Variants in PCSK5 observed in about 807,000 individuals in gnomAD.
PCSK5 encodes proprotein convertase subtilisin/kexin type 5.
PCSK5 carries 129 observed loss-of-function variants against 233.2 expected under a neutral mutation model. That is an observed-to-expected ratio of 0.55 (90% CI 0.48 to 0.64). The LOEUF is 0.64. Ranked by LOEUF, PCSK5 falls within the 30% of genes least tolerant of loss-of-function variation. The probability of loss-of-function intolerance (pLI) is 0.00; values close to 1 mark genes in which losing one functional copy is unlikely to be tolerated. For missense variants in PCSK5, 2,076 were observed against 2,430.1 expected (o/e 0.85, Z 3.06); for synonymous variants, 825 against 879.2 (o/e 0.94, Z 1.09).
At chr9:75,920,549 A>C (rs1823210687) in intron 1 of PCSK5, among the ~76,000 whole-genome samples, 1 of 152,154 alleles carries the variant, frequency 6.6e-6, no homozygotes, top group Admixed American at 6.6e-5. Flanking sequence ...TCATGCTTGT[A>C]GTCCCAGCAC....
At chr9:76,193,427 A>C in intron 20 of PCSK5, 2 of 1,040,016 alleles carry the variant, frequency 1.9e-6, no homozygotes, top group Non-Finnish European at 2.6e-6. Flanking sequence ...AAAGCCAAAA[A>C]GAAAAAAAAA....
chr9:76,066,242 T>C (rs1168951091), intron 5 of PCSK5, among the ~76,000 whole-genome samples: 1 of 152,208 alleles, frequency 6.6e-6, no homozygotes, highest in African/African-American at 2.4e-5. Context: ...ATTTTAGCAA[T>C]ACTAATTCTT....
In PCSK5 at chr9:75,930,706, G is replaced by A. The variant is rs192135818; in HGVS notation, c.193-1673G>A. 4.5e-4 allele frequency among the ~76,000 whole-genome samples: 68 copies of A among 152,204 alleles called. 1 individual carries two copies. Among genetic ancestry groups the A allele is most frequent in the African/African-American group, 1.6e-3 (66 of 41,558 alleles). On this transcript the variant is annotated intron_variant, in intron 1 of 37. Transcript: ENST00000674117. ...GTTGTTCTGTGACGATCTTCCTTATGGAAATTCTGTTTCTTTCCACGAGAA... is the reference window on the plus strand; with the variant it reads ...GTTGTTCTGTGACGATCTTCCTTATAGAAATTCTGTTTCTTTCCACGAGAA...
chr9:76,040,456 C>T (rs1323686474), intron 5 of PCSK5, among the ~76,000 whole-genome samples: 1 of 147,466 alleles, frequency 6.8e-6, no homozygotes, highest in Admixed American at 6.9e-5. Flanking sequence ...TTTTATTGAT[C>T]CTTAGCTTCC....
chr9:76,193,107 A>C, intron 20 of PCSK5: 1 of 658,408 alleles, frequency 1.5e-6, no homozygotes, highest in Non-Finnish European at 2.4e-6. Flanking sequence ...CCTCCTGTTG[A>C]CTACTCCTGA....
At chr9:76,187,264 A>C (rs1331072277) in intron 17 of PCSK5, among the ~76,000 whole-genome samples, 1 of 152,218 alleles carries the variant, frequency 6.6e-6, no homozygotes, top group Non-Finnish European at 1.5e-5. Flanking sequence ...CTGTTTAGAT[A>C]CTGATCTTCT....
At chr9:76,296,951 C>T (rs1435462735) in intron 27 of PCSK5, 86 bp downstream of exon 27, 1 of 862,776 alleles carries the variant, frequency 1.2e-6, no homozygotes, top group African/African-American at 1.7e-5. Flanking sequence ...TTTTAGTTAT[C>T]CAGGAGAGAA....
chr9:75,917,972 G>C lies in PCSK5; in HGVS notation c.193-14407G>C, dbSNP rs369451456. On this transcript the variant is annotated intron_variant, in intron 1 of 37. Transcript: ENST00000674117. ...AATAGTTACAATTATTAGTATGCATGTCACCTGGGAATTTTTAGTTCTGAA... is the reference window on the plus strand; with the variant it reads ...AATAGTTACAATTATTAGTATGCATCTCACCTGGGAATTTTTAGTTCTGAA... 2.6e-4 allele frequency among the ~76,000 whole-genome samples: 40 copies of C among 152,284 alleles called. 1 individual carries two copies. The South Asian group carries it at 8.1e-3, about 31-fold the overall frequency.
chr9:76,137,053 A>C (rs1394452516), intron 10 of PCSK5, among the ~76,000 whole-genome samples: 2 of 152,118 alleles, frequency 1.3e-5, no homozygotes, highest in Non-Finnish European at 2.9e-5. Context: ...ATGATGTGTG[A>C]GCTAGACTTG....
At chr9:76,018,780 A>G (rs547062926) in intron 3 of PCSK5, among the ~76,000 whole-genome samples, 6 of 152,232 alleles carry the variant, frequency 3.9e-5, no homozygotes, top group Non-Finnish European at 8.8e-5. Context: ...ATAAGGAAAA[A>G]GTAGGTCTCT....
chr9:76,041,799 A>C (rs1464015014), intron 5 of PCSK5, among the ~76,000 whole-genome samples: 5 of 150,104 alleles, frequency 3.3e-5, no homozygotes, highest in African/African-American at 1.2e-4. Flanking sequence ...AGATTGTACC[A>C]TTACACCCCA....
At chr9:76,085,565 A>G (rs1325410603) in intron 7 of PCSK5, among the ~76,000 whole-genome samples, 7 of 152,222 alleles carry the variant, frequency 4.6e-5, no homozygotes, top group Admixed American at 4.6e-4. Context: ...GTCACTATAG[A>G]GGCTTGTAAA....
chr9:76,345,924 T>C (rs1829969062), intron 35 of PCSK5, among the ~76,000 whole-genome samples: 1 of 151,902 alleles, frequency 6.6e-6, no homozygotes, highest in African/African-American at 2.4e-5. Flanking sequence ...TTCACCATGT[T>C]GGCCAGGCTG....
chr9:76,249,510 C>T (rs1316017826), intron 24 of PCSK5, among the ~76,000 whole-genome samples: 1 of 152,054 alleles, frequency 6.6e-6, no homozygotes, highest in Non-Finnish European at 1.5e-5. Flanking sequence ...CTGAAGTGCT[C>T]TGTCAGCAGA....
chr9:75,967,347 A>G lies in PCSK5; in HGVS notation c.298-18785A>G, dbSNP rs534565268. Among the ~76,000 whole-genome samples the G allele has an allele frequency of 1.0e-3, 157 of 152,264 alleles. 2 individuals are homozygous for G. Among genetic ancestry groups the G allele is most frequent in the Admixed American group, 8.5e-3 (130 of 15,296 alleles). On this transcript the variant is annotated intron_variant, in intron 2 of 37. Transcript: ENST00000674117. ...CACTTGTAAGTGAGAACATAGCGGC[A>G]TGTGGTTTTCTGTTCCTGCATTAAT...
At chr9:75,999,891 A>C (rs1318581514) in intron 3 of PCSK5, among the ~76,000 whole-genome samples, 3 of 152,240 alleles carry the variant, frequency 2.0e-5, no homozygotes, top group African/African-American at 7.2e-5. Flanking sequence ...TAAAACACCA[A>C]AAGCAGGGGC....
rs553985678 is a variant in PCSK5, at chr9:76,295,805, C to T, written c.3322+394C>T. ...TGCACTGTAAGAATCTAACAAGATCCCTTGCCTTAGGCTTTGGTCAACTCA... is the reference window on the plus strand; with the variant it reads ...TGCACTGTAAGAATCTAACAAGATCTCTTGCCTTAGGCTTTGGTCAACTCA... On this transcript the variant is annotated intron_variant, in intron 26 of 37. Coordinates refer to ENST00000674117, the MANE Select transcript of PCSK5 (RefSeq NM_001372043.1). 2.6e-5 allele frequency among the ~76,000 whole-genome samples: 4 copies of T among 152,246 alleles called. No individual in the cohort carries two copies. In the South Asian group the frequency reaches 8.3e-4, roughly 32 times the overall value.
intron 20 of PCSK5, among the ~76,000 whole-genome samples, chr9:76,223,531 C>T (rs1185644970): frequency 6.6e-6 from 1 of 152,186 alleles, no homozygotes; most frequent in Non-Finnish European, 1.5e-5. Flanking sequence ...AATTTTTAAG[C>T]TGTGTCTTCA....
intron 20 of PCSK5, among the ~76,000 whole-genome samples, chr9:76,224,670 T>TG (rs1246063235): frequency 1.3e-5 from 2 of 152,080 alleles, no homozygotes; most frequent in African/African-American, 4.8e-5. Context: ...ATCTTGGAGA[T>TG]GGGGTAATCT....
Sources: allele counts gnomAD v4.1 joint callset (sites outside exome capture counted in the v4.1 genomes callset), GRCh38; gene constraint gnomAD v4.1.1; transcripts MANE v1.5; gene names NCBI Gene and HGNC (gene_info 2026-07-23, HGNC 2026-07-21).